EXT1: variants seen among roughly 807,000 people sequenced by gnomAD.
The protein encoded by EXT1 is exostosin-1.
EXT1 carries 20 observed loss-of-function variants against 82.5 expected under a neutral mutation model. That is an observed-to-expected ratio of 0.24 (90% CI 0.17 to 0.35). EXT1 has a LOEUF of 0.35. Ranked by LOEUF, EXT1 falls within the 10% of genes least tolerant of loss-of-function variation. The probability of loss-of-function intolerance (pLI) is 1.00; values close to 1 mark genes in which losing one functional copy is unlikely to be tolerated. For missense variants in EXT1, 757 were observed against 936.5 expected (o/e 0.81, Z 2.50); for synonymous variants, 348 against 350.8 (o/e 0.99, Z 0.09).
At chr8:117,903,305 G>C (rs1224718959) in intron 1 of EXT1, among the ~76,000 whole-genome samples, 1 of 152,182 alleles carries the variant, frequency 6.6e-6, no homozygotes, top group Non-Finnish European at 1.5e-5. Context: ...GAGGAGGAGT[G>C]TTACTTGACT....
Position 118,077,859 on chromosome 8 carries a change from G to A in EXT1, c.962+32226C>T, listed in dbSNP as rs1016075123. Among the ~76,000 whole-genome samples the A allele has an allele frequency of 5.2e-5, 7 of 135,232 alleles. No individual in the cohort carries two copies. The South Asian group carries it at 1.2e-3, about 24-fold the overall frequency. The allele number at this position is 135,232 out of a possible 152,430, so 88.7% of individuals were successfully genotyped here. A position where few individuals can be genotyped will look rare whatever the true frequency, so the allele number is the denominator to read the frequency against. Reference sequence around the variant, plus strand: ...ACTACAATTAAAATCAGTACTTACAGCCTATATTATAATTTCGATTGTGTT... The same window carrying A: ...ACTACAATTAAAATCAGTACTTACAACCTATATTATAATTTCGATTGTGTT... On this transcript the variant is annotated intron_variant, in intron 1 of 10. Coordinates refer to ENST00000378204, the MANE Select transcript of EXT1 (RefSeq NM_000127.3).
intron 1 of EXT1, among the ~76,000 whole-genome samples, chr8:117,950,883 T>C (rs1398589187): frequency 6.6e-6 from 1 of 152,202 alleles, no homozygotes; most frequent in Non-Finnish European, 1.5e-5. Flanking sequence ...ACTGGCTTTC[T>C]ACATTGTACT....
chr8:118,107,367 A>G, intron 1 of EXT1, among the ~76,000 whole-genome samples: 1 of 152,188 alleles, frequency 6.6e-6, no homozygotes, highest in Non-Finnish European at 1.5e-5. Flanking sequence ...ATGAGTGCTT[A>G]GAGCACCCCT....
At chr8:117,931,875 A>G (rs751632929) in intron 1 of EXT1, among the ~76,000 whole-genome samples, 18 of 152,172 alleles carry the variant, frequency 1.2e-4, no homozygotes, top group Non-Finnish European at 2.5e-4. Flanking sequence ...TAGATTTTTG[A>G]TCACTTGAAA....
intron 1 of EXT1, among the ~76,000 whole-genome samples, chr8:117,886,373 G>A (rs1813148293): frequency 6.6e-6 from 1 of 151,984 alleles, no homozygotes. Context: ...CATTCCAGTG[G>A]GAGCTCTACT....
chr8:118,000,216 GA>G (rs989307559), intron 1 of EXT1, among the ~76,000 whole-genome samples: 1 of 152,168 alleles, frequency 6.6e-6, no homozygotes, highest in African/African-American at 2.4e-5. Context: ...AAGACAGATG[GA>G]AGGGAGGGAA....
At chr8:118,064,556 A>T (rs1425421404) in intron 1 of EXT1, among the ~76,000 whole-genome samples, 1 of 152,066 alleles carries the variant, frequency 6.6e-6, no homozygotes, top group Non-Finnish European at 1.5e-5. Flanking sequence ...TATGTGCCAC[A>T]TTTTCTTTAT....
At chr8:118,056,274 A>G (rs1027621445) in intron 1 of EXT1, among the ~76,000 whole-genome samples, 39 of 152,314 alleles carry the variant, frequency 2.6e-4, no homozygotes, top group Non-Finnish European at 4.1e-4. Context: ...ATCTTGAAAG[A>G]ATTGACACAT....
intron 5 of EXT1, among the ~76,000 whole-genome samples, chr8:117,820,370 G>A (rs112130040): frequency 2.8e-4 from 43 of 152,238 alleles, no homozygotes; most frequent in African/African-American, 9.4e-4. Flanking sequence ...TAGTAACAGT[G>A]CCAAATATGG....
At chr8:117,949,645 T>A (rs1189756482) in intron 1 of EXT1, among the ~76,000 whole-genome samples, 2 of 151,820 alleles carry the variant, frequency 1.3e-5, no homozygotes, top group African/African-American at 4.8e-5. Flanking sequence ...AACTATTTCA[T>A]ACATAAGTAA....
intron 1 of EXT1, among the ~76,000 whole-genome samples, chr8:118,065,914 G>T (rs1199549807): frequency 2.0e-5 from 3 of 152,194 alleles, no homozygotes; most frequent in Admixed American, 6.5e-5. Context: ...TGGGACTGAG[G>T]TCTCTCAGTT....
At chr8:117,853,499 T>C (rs1812489920) in intron 1 of EXT1, among the ~76,000 whole-genome samples, 1 of 152,206 alleles carries the variant, frequency 6.6e-6, no homozygotes, top group Admixed American at 6.5e-5. Context: ...CAGTTAAACA[T>C]GTTGATCATA....
intron 1 of EXT1, among the ~76,000 whole-genome samples, chr8:117,844,281 T>C (rs1033876691): frequency 1.3e-5 from 2 of 151,604 alleles, no homozygotes; most frequent in African/African-American, 4.8e-5. Flanking sequence ...GCCTCCTGAG[T>C]AGGTGGGACT....
At position 117,937,567 on chromosome 8, in the gene EXT1, G is replaced by A. The variant is rs565166823; in HGVS notation, c.963-100366C>T. Among the ~76,000 whole-genome samples, 3 of 152,320 alleles carry A rather than the reference G, an allele frequency of 2.0e-5. No individual in the cohort carries two copies. In the South Asian group the frequency reaches 6.2e-4, roughly 32 times the overall value. ...GTTGTCCCAGCAAGAAAATAAACTG[G>A]CTGGAAGCCAGAAGCCATGACACAA... On this transcript the variant is annotated intron_variant, in intron 1 of 10. Coordinates refer to ENST00000378204, the MANE Select transcript of EXT1 (RefSeq NM_000127.3).
intron 1 of EXT1, among the ~76,000 whole-genome samples, chr8:117,888,820 T>G (rs553262634): frequency 3.4e-4 from 52 of 152,334 alleles, no homozygotes; most frequent in African/African-American, 1.2e-3. Flanking sequence ...ATGTTGTCAT[T>G]TAGCACTTAC....
Position 117,908,989 on chromosome 8 carries a change from G to C in EXT1, c.963-71788C>G, listed in dbSNP as rs917344875. On this transcript the variant is annotated intron_variant, in intron 1 of 10. Coordinates refer to ENST00000378204, the MANE Select transcript of EXT1 (RefSeq NM_000127.3). Reference sequence around the variant, plus strand: ...TCTACTAAAAATACAAAAATTAGCTGGGCGTGGTTGTACGCGCCTGTAATC... The same window carrying C: ...TCTACTAAAAATACAAAAATTAGCTCGGCGTGGTTGTACGCGCCTGTAATC... 3.0e-4 allele frequency among the ~76,000 whole-genome samples: 45 copies of C among 151,696 alleles called. 1 individual carries two copies. The highest frequency in any genetic ancestry group is 4.2e-4 in the South Asian group (2 of 4,780).
chr8:117,985,264 C>T (rs951023310), intron 1 of EXT1, among the ~76,000 whole-genome samples: 1 of 152,194 alleles, frequency 6.6e-6, no homozygotes, highest in Non-Finnish European at 1.5e-5. Context: ...AAGGCACAAG[C>T]CACAGACCTC....
At position 118,044,770 on chromosome 8, in the gene EXT1, C is replaced by T. The variant is rs140978690; in HGVS notation, c.962+65315G>A. 2.7e-3 allele frequency among the ~76,000 whole-genome samples: 417 copies of T among 152,264 alleles called. 2 individuals carry two copies. Among genetic ancestry groups the T allele is most frequent in the African/African-American group, 9.6e-3 (398 of 41,544 alleles). ...CCCAGGCTGGTCGAAAACTCGTGGG[C>T]TCAAGCCGTTCTCCAGTCTCGGTCT... On this transcript the variant is annotated intron_variant, in intron 1 of 10. Coordinates refer to ENST00000378204, the MANE Select transcript of EXT1 (RefSeq NM_000127.3).
intron 1 of EXT1, among the ~76,000 whole-genome samples, chr8:118,078,306 C>A (rs777906351): frequency 7.9e-5 from 12 of 152,356 alleles, no homozygotes; most frequent in South Asian, 2.1e-4. Flanking sequence ...TCAAGCAATT[C>A]TCATGTCTCT....
Sources: allele counts gnomAD v4.1 joint callset (sites outside exome capture counted in the v4.1 genomes callset), GRCh38; gene constraint gnomAD v4.1.1; transcripts MANE v1.5; gene names NCBI Gene and HGNC (gene_info 2026-07-23, HGNC 2026-07-21).